Variants in TTC22 observed in about 807,000 individuals in gnomAD.
TTC22 encodes the protein tetratricopeptide repeat domain 22.
In TTC22, 42 loss-of-function variants were observed where a neutral mutation model predicts 48.2. The observed-to-expected ratio is 0.87, with a 90% CI of 0.68 to 1.13. The LOEUF (loss-of-function observed/expected upper bound fraction) is 1.13, where lower values mean the gene tolerates loss of function less well. Ranked by LOEUF, TTC22 falls within the 50% of genes most tolerant of loss-of-function variation. The probability of loss-of-function intolerance (pLI) is 0.00; values close to 1 mark genes in which losing one functional copy is unlikely to be tolerated. For synonymous variants in TTC22, 345 were observed against 365.5 expected (o/e 0.94, Z 0.64); for missense variants, 784 against 807.0 (o/e 0.97, Z 0.34).
chr1:54,796,403 C>A (rs368987336), intron 1 of TTC22, among the ~76,000 whole-genome samples: 2 of 152,256 alleles, frequency 1.3e-5, no homozygotes, highest in Non-Finnish European at 2.9e-5. Flanking sequence ...GTGCACTGGG[C>A]CTACCTGGGC....
intron 1 of TTC22, among the ~76,000 whole-genome samples, chr1:54,796,015 G>T (rs980374563): frequency 1.3e-5 from 2 of 152,248 alleles, no homozygotes; most frequent in Non-Finnish European, 2.9e-5. Context: ...TATAGAATGG[G>T]GTTAATGGAT....
In TTC22 at chr1:54,781,741, C is replaced by T; in HGVS notation, c.1212G>A (p.Leu404=). Residue 404 remains leucine, a synonymous_variant, in exon 7 of 7, where the codon CTG becomes CTA. Transcript: ENST00000371276. ...TCAGCGCCGCCTCGTCCACCGCCAG[C>T]AGCTCCTGCACCGCGTCCACGCCCA... ...YYMGVDAVQE[L]LAVDEAALNQ... 1 of 1,509,828 alleles carries T rather than the reference C, an allele frequency of 6.6e-7. No homozygotes were observed. Among genetic ancestry groups the T allele is most frequent in the Non-Finnish European group, 8.8e-7 (1 of 1,133,698 alleles). 93.5% of individuals were successfully genotyped at this position (1,509,828 alleles called of 1,614,324 possible). A position where few individuals can be genotyped will look rare whatever the true frequency, so the allele number is the denominator to read the frequency against.
chr1:54,789,062 T>G (rs1646329847), intron 1 of TTC22, among the ~76,000 whole-genome samples: 1 of 152,238 alleles, frequency 6.6e-6, no homozygotes, highest in Admixed American at 6.5e-5. Flanking sequence ...GTTATCCACA[T>G]TTTATAGTGG....
At chr1:54,786,844 G>T in intron 4 of TTC22, 113 bp downstream of exon 4, 2 of 495,086 alleles carry the variant, frequency 4.0e-6, no homozygotes, top group South Asian at 6.9e-5. Context: ...GTACTTCCTG[G>T]GTGGGCCACG....
At chr1:54,787,967 C>G in intron 2 of TTC22, 75 bp downstream of exon 2, 1 of 1,541,616 alleles carries the variant, frequency 6.5e-7, no homozygotes. Flanking sequence ...CACCTCTGCC[C>G]TTACCCTGCT....
Position 54,787,700 on chromosome 1 carries a change from C to T in TTC22, c.739+11G>A, listed in dbSNP as rs577099146. On this transcript the variant is annotated intron_variant, in intron 3 of 6. Transcript: ENST00000371276. ...AGAGGCTGCTGTCCCACCCATCCCC[C>T]GGGTCCCCACCTCGGTGGCGGGGGT... 45 of 1,604,130 alleles carry T rather than the reference C, an allele frequency of 2.8e-5. No homozygotes were observed. The highest frequency in any genetic ancestry group is 1.0e-4 in the Admixed American group (6 of 59,482).
rs540415309 is a variant in TTC22 at position 54,787,020 on chromosome 1, G to A, written c.795C>T (p.Thr265=). Residue 265 remains threonine (T), a synonymous_variant, in exon 4 of 7, where the codon ACC becomes ACT. Transcript: ENST00000371276. ...MLLERKDTFS[T]TPMGVHDCGY... is the part of the protein sequence containing the mutation. The stretch of plus-strand genomic sequence containing the variant: ...CGCAGTCATGGACGCCCATGGGGGT[G>A]GTGGAGAAGGTGTCCTTCCGCTCCA... 28 of 1,559,996 alleles carry A rather than the reference G, an allele frequency of 1.8e-5. No homozygotes were observed. The highest frequency in any genetic ancestry group is 2.4e-5 in the Non-Finnish European group (28 of 1,153,436).
chr1:54,789,847 T>C (rs1281886119), intron 1 of TTC22, among the ~76,000 whole-genome samples: 2 of 152,160 alleles, frequency 1.3e-5, no homozygotes, highest in Non-Finnish European at 2.9e-5. Context: ...CAAGTAGGAA[T>C]CACCCAGGTG....
intron 5 of TTC22, among the ~76,000 whole-genome samples, chr1:54,783,938 G>A (rs1646281471): frequency 6.6e-6 from 1 of 152,194 alleles, no homozygotes; most frequent in Non-Finnish European, 1.5e-5. Flanking sequence ...GGAGTTCAAG[G>A]CTGCAGTGGG....
chr1:54,784,888 C>CACAGTGGTGCAAGTCCAT, intron 5 of TTC22: 1 of 972,602 alleles, frequency 1.0e-6, no homozygotes, highest in Non-Finnish European at 1.4e-6. Context: ...TAGCAGGAGG[C>CACAGTGGTGCAAGTCCAT]AGAACTCACC....
rs779752868 is a variant in TTC22, at chr1:54,781,508, T to C, written c.1445A>G (p.Gln482Arg). Residue 482 changes from glutamine to arginine, a missense_variant, in exon 7 of 7, where the codon CAG (glutamine) becomes CGG (arginine). Coordinates refer to ENST00000371276, the MANE Select transcript of TTC22 (RefSeq NM_001114108.2). ...FGCLLEALLA[Q>R]WSQAQLSDGE... Reference sequence around the variant, plus strand: ...GTCGCTCAGCTGTGCCTGGCTCCACTGCGCCAGCAGCGCCTCGAGCAGGCA... The same window carrying C: ...GTCGCTCAGCTGTGCCTGGCTCCACCGCGCCAGCAGCGCCTCGAGCAGGCA... 5 of 1,504,508 alleles carry C rather than the reference T, an allele frequency of 3.3e-6. No homozygotes were observed. In the South Asian group the frequency reaches 6.2e-5, roughly 19 times the overall value. The allele number at this position is 1,504,508 out of a possible 1,614,324, so 93.2% of individuals were successfully genotyped here. A position where few individuals can be genotyped will look rare whatever the true frequency, so the allele number is the denominator to read the frequency against.
chr1:54,789,525 A>C (rs1430909426), intron 1 of TTC22, among the ~76,000 whole-genome samples: 1 of 152,194 alleles, frequency 6.6e-6, no homozygotes, highest in African/African-American at 2.4e-5. Flanking sequence ...GTCAGATCCC[A>C]CCAACTGGTG....
chr1:54,782,735 A>G (rs571760234), intron 5 of TTC22, among the ~76,000 whole-genome samples: 1 of 152,324 alleles, frequency 6.6e-6, no homozygotes, highest in African/African-American at 2.4e-5. Context: ...TCCCTTACTC[A>G]TTCAGCAGAT....
chr1:54,781,416 G>T lies in TTC22; in HGVS notation c.1537C>A (p.Leu513Met). ...RAQDKYPAAR[L>M]RQELQRVWRG... ...CACACGCGCTGCAGCTCCTGGCGCA[G>T]GCGCGCCGCGGGGTACTTGTCCTGG... is the stretch of plus-strand genomic sequence containing the variant. Residue 513 changes from leucine to methionine, a missense_variant, in exon 7 of 7, where the codon CTG becomes ATG. Coordinates refer to ENST00000371276, the MANE Select transcript of TTC22 (RefSeq NM_001114108.2). The T allele has an allele frequency of 7.1e-7, 1 of 1,403,916 alleles. No individual in the cohort carries two copies. The highest frequency in any genetic ancestry group is 9.2e-7 in the Non-Finnish European group (1 of 1,089,990). 87.0% of individuals were successfully genotyped at this position (1,403,916 alleles called of 1,614,324 possible).
chr1:54,797,238 G>A (rs1467170727), intron 1 of TTC22, among the ~76,000 whole-genome samples: 1 of 151,532 alleles, frequency 6.6e-6, no homozygotes, highest in Non-Finnish European at 1.5e-5. Flanking sequence ...GCTACCAAGG[G>A]TCCATCTGTG....
Position 54,787,139 on chromosome 1 carries a change from TC to T in TTC22, c.740-65del, listed in dbSNP as rs1397259169. 80 of 834,570 alleles carry T rather than the reference TC, an allele frequency of 9.6e-5. 1 individual carries two copies. In the South Asian group the frequency reaches 1.5e-3, roughly 16 times the overall value. 51.7% of individuals were successfully genotyped at this position (834,570 alleles called of 1,614,324 possible). A position where few individuals can be genotyped will look rare whatever the true frequency, so the allele number is the denominator to read the frequency against. ...CAGGGTGGAGAGAGGGAAGGGGCCA[TC>T]CCCATCCTAGGTGTCACCCATGAAG... On this transcript the variant is annotated intron_variant, in intron 3 of 6. Transcript: ENST00000371276.
intron 1 of TTC22, among the ~76,000 whole-genome samples, chr1:54,793,399 C>T (rs1646367689): frequency 6.6e-6 from 1 of 152,204 alleles, no homozygotes; most frequent in African/African-American, 2.4e-5. Flanking sequence ...GAAACTGAGG[C>T]TGACAGAAGC....
At position 54,800,915 on chromosome 1, in the gene TTC22, G is replaced by A; in HGVS notation, c.249C>T (p.Asp83=). The A allele has an allele frequency of 6.2e-7, 1 of 1,609,632 alleles. No homozygotes were observed. The highest frequency in any genetic ancestry group is 8.5e-7 in the Non-Finnish European group (1 of 1,179,304). Residue 83 remains aspartate (D), a synonymous_variant, in exon 1 of 7, where the codon GAC becomes GAT. Coordinates refer to ENST00000371276, the MANE Select transcript of TTC22 (RefSeq NM_001114108.2). ...CCTCGAGGAAGCACTCGCGGGCCTCGTCCAGCTCCTCCAGGTAGAATGCGA... is the reference window on the plus strand; with the variant it reads ...CCTCGAGGAAGCACTCGCGGGCCTCATCCAGCTCCTCCAGGTAGAATGCGA... ...GAFAFYLEEL[D]EARECFLEVA...
Position 54,801,108 on chromosome 1 carries a change from T to C in TTC22, c.56A>G (p.Asp19Gly). 6.2e-7 allele frequency: 1 copy of C among 1,611,490 alleles called. No individual in the cohort carries two copies. Among genetic ancestry groups the C allele is most frequent in the Middle Eastern group, 1.7e-4 (1 of 6,050 alleles). ...DDLDALIDDL[D>G]YLPGHFHLEM... is the part of the protein sequence containing the mutation. ...CAGGTGAAAGTGGCCCGGGAGGTAG[T>C]CCAGGTCGTCGATGAGGGCGTCTAG... is the stretch of plus-strand genomic sequence containing the variant. Residue 19 changes from aspartate to glycine, a missense_variant, in exon 1 of 7, where the codon GAC becomes GGC. Physicochemically the swap from Asp to Gly is moderately conservative, Grantham distance 94. Coordinates refer to ENST00000371276, the MANE Select transcript of TTC22 (RefSeq NM_001114108.2).
Sources: gnomAD v4.1 joint callset for allele counts (sites outside exome capture counted in the v4.1 genomes callset) on GRCh38, gnomAD v4.1.1 for gene constraint, MANE v1.5 for transcripts, NCBI Gene and HGNC (gene_info 2026-07-23, HGNC 2026-07-21) for gene names.